Variants in PCSK7 observed in about 807,000 individuals in gnomAD.
The protein encoded by PCSK7 is lymphoma proprotein convertase.
In PCSK7, 38 loss-of-function variants were observed where a neutral mutation model predicts 73.3. The observed-to-expected ratio is 0.52, with a 90% CI of 0.40 to 0.68. PCSK7 has a LOEUF of 0.68. Among genes scored for constraint, PCSK7 ranks in the 30% least tolerant of loss-of-function variants. The probability of loss-of-function intolerance (pLI) is 0.00; values close to 1 mark genes in which losing one functional copy is unlikely to be tolerated. For missense variants in PCSK7, 692 were observed against 991.5 expected, an observed-to-expected ratio of 0.70 and a Z score of 4.06; for synonymous variants, 296 against 383.8, an observed-to-expected ratio of 0.77 and a Z score of 2.68.
chr11:117,225,884 C>A, intron 6 of PCSK7, 47 bp downstream of exon 6: 1 of 1,237,982 alleles, frequency 8.1e-7, no homozygotes, highest in South Asian at 1.2e-5. Flanking sequence ...GCGGATTTGT[C>A]CCAGGTGCTC....
chr11:117,208,883 G>A lies in PCSK7; in HGVS notation c.1691+14C>T. The A allele has an allele frequency of 6.2e-7, 1 of 1,607,392 alleles. No homozygotes were observed. The highest frequency in any genetic ancestry group is 2.0e-4 in the Middle Eastern group (1 of 5,046). On this transcript the variant is annotated intron_variant, in intron 13 of 16. Coordinates refer to ENST00000320934, the MANE Select transcript of PCSK7 (RefSeq NM_004716.4). The stretch of plus-strand genomic sequence containing the variant: ...GCTGAAAAGGTTGCTCAGGCCTCGG[G>A]CGGGTGTACATACGAGTCCATGCTG...
At chr11:117,225,742 G>C (rs1348375011) in intron 6 of PCSK7, 189 bp downstream of exon 6, 2 of 614,368 alleles carry the variant, frequency 3.3e-6, no homozygotes, top group East Asian at 2.7e-5. Flanking sequence ...GATTACGGGG[G>C]TGACGGGGGC....
At chr11:117,226,047 C>T in intron 5 of PCSK7, 26 bp from the exon 6 acceptor site, 1 of 1,289,962 alleles carries the variant, frequency 7.8e-7, no homozygotes, top group South Asian at 1.2e-5. Flanking sequence ...CACAGCAGCT[C>T]CTCACTAATG....
At position 117,205,701 on chromosome 11, in the gene PCSK7, A is replaced by G. The variant is rs930597440; in HGVS notation, c.*296T>C. The stretch of plus-strand genomic sequence containing the variant: ...TCCCCCATGCTTGGGGGACCTAGGC[A>G]GCTGGCTTGGCCCAAGAGAGATGAG... On this transcript the variant is annotated 3_prime_UTR_variant, in exon 17 of 17. Coordinates refer to ENST00000320934, the MANE Select transcript of PCSK7 (RefSeq NM_004716.4). 1.3e-5 allele frequency: 4 copies of G among 315,040 alleles called. No homozygotes were observed. The highest frequency in any genetic ancestry group is 2.3e-5 in the Non-Finnish European group (4 of 172,930). 19.5% of individuals were successfully genotyped at this position (315,040 alleles called of 1,614,324 possible). A position where few individuals can be genotyped will look rare whatever the true frequency, so the allele number is the denominator to read the frequency against.
chr11:117,229,448 G>C lies in PCSK7; in HGVS notation c.397C>G (p.Gln133Glu). 5 of 1,610,908 alleles carry C rather than the reference G, an allele frequency of 3.1e-6. No homozygotes were observed. Among genetic ancestry groups the C allele is most frequent in the Non-Finnish European group, 4.2e-6 (5 of 1,180,026 alleles). ...GHEAVRWHSE[Q>E]RLLRRAKRSV... The stretch of plus-strand genomic sequence containing the variant: ...CGCTTGGCCCGCCTTAGCAGCCTCT[G>C]CTCTGAGTGCCAGCGCACAGCTTCA... Residue 133 changes from glutamine (Q) to glutamate (E), a missense_variant, in exon 3 of 17, where the codon CAG (glutamine) becomes GAG (glutamate). Physicochemically the swap from Gln to Glu is conservative, Grantham distance 29. Coordinates refer to ENST00000320934, the MANE Select transcript of PCSK7 (RefSeq NM_004716.4).
At position 117,204,529 on chromosome 11, in the gene PCSK7, C is replaced by T; in HGVS notation, c.*1468G>A. The T allele has an allele frequency of 9.9e-7, 1 of 1,012,120 alleles. No homozygotes were observed. Among genetic ancestry groups the T allele is most frequent in the Admixed American group, 2.0e-5 (1 of 50,100 alleles). 62.7% of individuals were successfully genotyped at this position (1,012,120 alleles called of 1,614,324 possible). ...CCTGGGCAGCTCCTCCCTGTGCCCC[C>T]AGCCTCAGCCCAACTTCTTACCCGA... On this transcript the variant is annotated 3_prime_UTR_variant, in exon 17 of 17. Transcript: ENST00000320934.
chr11:117,229,522 A>G lies in PCSK7; in HGVS notation c.323T>C (p.Leu108Pro). 1 of 1,613,114 alleles carries G rather than the reference A, an allele frequency of 6.2e-7. No individual in the cohort carries two copies. The highest frequency in any genetic ancestry group is 1.6e-4 in the Middle Eastern group (1 of 6,062). ...CTGCTGCCGGATGGCCTCCACCTCC[A>G]GGGCCGGCCTGTGCCCAGCAGGCTG... ...FVQPAGHRPA[L>P]EVEAIRQQVE... is the part of the protein sequence containing the mutation. The change falls in exon 3 of 17, where the codon CTG becomes CCG. Residue 108 changes from leucine (L) to proline (P), a missense_variant. Physicochemically the swap from Leu to Pro is moderately conservative, Grantham distance 98. Coordinates refer to ENST00000320934, the MANE Select transcript of PCSK7 (RefSeq NM_004716.4).
At chr11:117,215,353 G>A (rs1252424117) in intron 12 of PCSK7, 1 of 98,712 alleles carries the variant, frequency 1.0e-5, no homozygotes, top group Non-Finnish European at 1.8e-5. Context: ...GTGCCACCAT[G>A]CCTGGCTAAT....
chr11:117,227,740 C>T (rs750955330), intron 4 of PCSK7, among the ~76,000 whole-genome samples: 7 of 152,202 alleles, frequency 4.6e-5, no homozygotes, highest in African/African-American at 7.2e-5. Context: ...CGCGCCCGGA[C>T]CCAATAAGCC....
intron 12 of PCSK7, chr11:117,215,380 G>GTGTGTGTGTATA (rs1164738557): frequency 1.8e-5 from 1 of 55,898 alleles, no homozygotes; most frequent in African/African-American, 1.2e-4. Context: ...GTGTGTGTGT[G>GTGTGTGTGTATA]TATATATATA....
At chr11:117,215,364 T>TTTTTGTGTGTGTGTGTGTG (rs57433360) in intron 12 of PCSK7, 2 of 84,902 alleles carry the variant, frequency 2.4e-5, no homozygotes, top group Non-Finnish European at 4.0e-5. Context: ...CCTGGCTAAT[T>TTTTTGTGTGTGTGTGTGTG]TGTGTGTGTG....
chr11:117,216,687 C>T (rs2031998830), intron 12 of PCSK7: 1 of 151,964 alleles, frequency 6.6e-6, no homozygotes, highest in Non-Finnish European at 1.5e-5. Flanking sequence ...CCCAAAGTTC[C>T]CAAAGTGCTG....
At chr11:117,210,016 A>C (rs1381527995) in intron 12 of PCSK7, 1 of 152,366 alleles carries the variant, frequency 6.6e-6, no homozygotes, top group Non-Finnish European at 1.5e-5. Flanking sequence ...GTGATAATGG[A>C]ATTGTTCTGG....
rs549724453 is a variant in PCSK7 at position 117,228,681 on chromosome 11, C to T, written c.469-331G>A. On this transcript the variant is annotated intron_variant, in intron 3 of 16. Coordinates refer to ENST00000320934, the MANE Select transcript of PCSK7 (RefSeq NM_004716.4). ...CAGGCTGGAGTGTGGAGTGCAGTGG[C>T]AGGATCTCGGCTCACTGCAAGCTCC... Among the ~76,000 whole-genome samples the T allele has an allele frequency of 9.1e-4, 134 of 146,538 alleles. 1 individual carries two copies. Among genetic ancestry groups the T allele is most frequent in the African/African-American group, 3.3e-3 (130 of 39,258 alleles).
intron 3 of PCSK7, among the ~76,000 whole-genome samples, chr11:117,229,160 C>T (rs1435321999): frequency 1.3e-5 from 2 of 152,204 alleles, no homozygotes; most frequent in African/African-American, 4.8e-5. Context: ...TGAGCCCAGG[C>T]AGCCTGGCTG....
Position 117,205,759 on chromosome 11 carries a change from C to G in PCSK7, c.*238G>C. 1 of 411,064 alleles carries G rather than the reference C, an allele frequency of 2.4e-6. No individual in the cohort carries two copies. The highest frequency in any genetic ancestry group is 4.3e-6 in the Non-Finnish European group (1 of 231,642). 25.5% of individuals were successfully genotyped at this position (411,064 alleles called of 1,614,324 possible). ...GCCAAACCAAAGGGGGGCGCCAATC[C>G]CCTGTCCAACACCTTCTCACCAAAA... is the stretch of plus-strand genomic sequence containing the variant. On this transcript the variant is annotated 3_prime_UTR_variant, in exon 17 of 17. Transcript: ENST00000320934.
chr11:117,221,257 A>G (rs1244992009), intron 9 of PCSK7: 1 of 151,840 alleles, frequency 6.6e-6, no homozygotes, highest in African/African-American at 2.4e-5. Context: ...GCCATGGCGC[A>G]CTCCCAGAAA....
chr11:117,209,394 G>A (rs190938274), intron 12 of PCSK7: 101 of 233,938 alleles, frequency 4.3e-4, no homozygotes, highest in Non-Finnish European at 6.3e-4. Flanking sequence ...TAAGATGGGC[G>A]TGGTCCCTGC....
rs2031327873 is a variant in PCSK7 at position 117,205,687 on chromosome 11, T to C, written c.*310A>G. 1.3e-5 allele frequency: 4 copies of C among 300,462 alleles called. No individual in the cohort carries two copies. The highest frequency in any genetic ancestry group is 2.4e-5 in the Non-Finnish European group (4 of 163,480). 18.6% of individuals were successfully genotyped at this position (300,462 alleles called of 1,614,324 possible). On this transcript the variant is annotated 3_prime_UTR_variant, in exon 17 of 17. Coordinates refer to ENST00000320934, the MANE Select transcript of PCSK7 (RefSeq NM_004716.4). Reference sequence around the variant, plus strand: ...TATGTGGGAAGGGGTCCCCCATGCTTGGGGGACCTAGGCAGCTGGCTTGGC... The same window carrying C: ...TATGTGGGAAGGGGTCCCCCATGCTCGGGGGACCTAGGCAGCTGGCTTGGC...
Sources: allele counts gnomAD v4.1 joint callset (sites outside exome capture counted in the v4.1 genomes callset), GRCh38; gene constraint gnomAD v4.1.1; transcripts MANE v1.5; gene names NCBI Gene and HGNC (gene_info 2026-07-23, HGNC 2026-07-21).